The following DRC9 variants were observed in gnomAD, a reference collection of about 807,000 sequenced individuals.
The protein encoded by DRC9 is dynein regulatory complex protein 9.
chr3:197,936,745 C>G, the DRC9 span, among the ~76,000 whole-genome samples: 12 of 152,034 alleles, frequency 7.9e-5, no homozygotes, highest in African/African-American at 2.9e-4. Context: ...GTGAATATAC[C>G]CTGGGTTTCA....
the DRC9 span, among the ~76,000 whole-genome samples, chr3:197,893,810 A>T: frequency 1.3e-5 from 2 of 151,996 alleles, no homozygotes; most frequent in African/African-American, 2.4e-5. Context: ...ATTGCGCCAC[A>T]GCACTCTAGC....
the DRC9 span, chr3:197,916,122 G>A: frequency 6.6e-6 from 1 of 152,144 alleles, no homozygotes; most frequent in Non-Finnish European, 1.5e-5. Context: ...ACAGGTGCAT[G>A]TCACCATGCC....
chr3:197,897,396 G>T, the DRC9 span, among the ~76,000 whole-genome samples: 32 of 152,104 alleles, frequency 2.1e-4, no homozygotes, highest in African/African-American at 7.0e-4. Context: ...ATTATGAACC[G>T]CTATATTCTT....
At chr3:197,928,643 C>G in the DRC9 span, among the ~76,000 whole-genome samples, 1 of 152,138 alleles carries the variant, frequency 6.6e-6, no homozygotes, top group East Asian at 1.9e-4. Context: ...AGCCACCATG[C>G]CTAGCCCTCT....
At chr3:197,891,917 A>T in the DRC9 span, among the ~76,000 whole-genome samples, 1 of 152,070 alleles carries the variant, frequency 6.6e-6, no homozygotes, top group Non-Finnish European at 1.5e-5. Context: ...ACAGAGTCTC[A>T]CTCTGTCTGT....
chr3:197,919,162 T>C, the DRC9 span, among the ~76,000 whole-genome samples: 1 of 152,238 alleles, frequency 6.6e-6, no homozygotes, highest in Non-Finnish European at 1.5e-5. Flanking sequence ...CAAAGGCATC[T>C]GGTTTTAATG....
the DRC9 span, among the ~76,000 whole-genome samples, chr3:197,920,045 A>AAG: frequency 4.6e-5 from 7 of 150,764 alleles, no homozygotes; most frequent in African/African-American, 1.7e-4. Flanking sequence ...ACTAAAAAAA[A>AAG]AAAAAATACA....
the DRC9 span, among the ~76,000 whole-genome samples, chr3:197,919,884 G>GA: frequency 4.6e-5 from 7 of 151,850 alleles, no homozygotes; most frequent in African/African-American, 1.7e-4. Context: ...AAAGCCACAG[G>GA]AAAAAAATAG....
chr3:197,932,576 G>A, the DRC9 span, among the ~76,000 whole-genome samples: 2 of 151,146 alleles, frequency 1.3e-5, no homozygotes, highest in Non-Finnish European at 1.5e-5. Context: ...TGGAGGTTGC[G>A]GTGAGCAGAG....
chr3:197,922,488 C>T, the DRC9 span, among the ~76,000 whole-genome samples: 1 of 152,078 alleles, frequency 6.6e-6, no homozygotes, highest in African/African-American at 2.4e-5. Flanking sequence ...GGTGGATCAC[C>T]TGAGGTCAGA....
At chr3:197,905,929 A>C in the DRC9 span, among the ~76,000 whole-genome samples, 2 of 152,256 alleles carry the variant, frequency 1.3e-5, no homozygotes, top group East Asian at 1.9e-4. Context: ...TGATGAGAAG[A>C]AAAACTTTTA....
chr3:197,889,853 G>C, the DRC9 span: 1 of 968,312 alleles, frequency 1.0e-6, no homozygotes, highest in Non-Finnish European at 1.6e-6. Context: ...AGCCAGGCAC[G>C]TAATCACTTC....
the DRC9 span, chr3:197,932,413 T>C: frequency 1.4e-6 from 1 of 723,066 alleles, no homozygotes; most frequent in South Asian, 1.7e-5. Context: ...GGCAGGCGGA[T>C]CACGAGGTCA....
the DRC9 span, among the ~76,000 whole-genome samples, chr3:197,923,492 G>T: frequency 1.3e-5 from 2 of 152,080 alleles, no homozygotes; most frequent in East Asian, 1.9e-4. Flanking sequence ...GTTATGGGGG[G>T]GCCAAGGCAG....
At chr3:197,928,509 C>T in the DRC9 span, among the ~76,000 whole-genome samples, 1 of 151,990 alleles carries the variant, frequency 6.6e-6, no homozygotes, top group Non-Finnish European at 1.5e-5. Context: ...ATCACCATGC[C>T]TCGCTAATTT....
the DRC9 span, among the ~76,000 whole-genome samples, chr3:197,941,233 T>G: frequency 2.6e-4 from 31 of 119,432 alleles, no homozygotes; most frequent in African/African-American, 9.6e-4. Context: ...TCCCTTCCCT[T>G]CCCTCTCCCT....
chr3:197,907,858 C>T, the DRC9 span, among the ~76,000 whole-genome samples: 3 of 149,568 alleles, frequency 2.0e-5, no homozygotes, highest in Non-Finnish European at 4.4e-5. Flanking sequence ...CTTTCCAAGG[C>T]ACCCTCCCAG....
chr3:197,950,949 G>C, the DRC9 span: 2 of 1,614,010 alleles, frequency 1.2e-6, no homozygotes, highest in African/African-American at 1.3e-5. Flanking sequence ...TGCTGGGAAC[G>C]GGACTTCTAA....
chr3:197,945,418 A>T, the DRC9 span, among the ~76,000 whole-genome samples: 2 of 152,090 alleles, frequency 1.3e-5, no homozygotes, highest in African/African-American at 4.8e-5. Context: ...TTCAGGAGAG[A>T]CCTCAAGCCA....
Sources: gnomAD v4.1 joint callset for allele counts (sites outside exome capture counted in the v4.1 genomes callset) on GRCh38, gnomAD v4.1.1 for gene constraint, MANE v1.5 for transcripts, NCBI Gene and HGNC (gene_info 2026-07-23, HGNC 2026-07-21) for gene names.